PTPRM: variants seen among roughly 807,000 people sequenced by gnomAD.
The protein encoded by PTPRM is protein tyrosine phosphatase receptor type M, also known as receptor-type tyrosine-protein phosphatase mu.
In PTPRM, 47 loss-of-function variants were observed where a neutral mutation model predicts 186.7. That is an observed-to-expected ratio of 0.25 (90% CI 0.20 to 0.32). The LOEUF is 0.32. Among genes scored for constraint, PTPRM ranks in the 10% least tolerant of loss-of-function variants. PTPRM has a pLI of 1.00. For synonymous variants in PTPRM, 668 were observed against 674.9 expected, an observed-to-expected ratio of 0.99 and a Z score of 0.16; for missense variants, 1,494 against 1,865.0, an observed-to-expected ratio of 0.80 and a Z score of 3.66.
intron 32 of PTPRM, among the ~76,000 whole-genome samples, chr18:8,405,565 C>T (rs1336367850): frequency 2.0e-5 from 3 of 152,198 alleles, no homozygotes; most frequent in African/African-American, 7.2e-5. Flanking sequence ...CCTGTCTCAT[C>T]CTCCTCACTG....
chr18:8,045,508 A>G (rs2086986209), intron 7 of PTPRM, among the ~76,000 whole-genome samples: 1 of 152,244 alleles, frequency 6.6e-6, no homozygotes. Context: ...AGTCTGCTAC[A>G]TGCTACAACA....
chr18:8,214,767 G>A (rs1382419814), intron 14 of PTPRM, among the ~76,000 whole-genome samples: 1 of 152,118 alleles, frequency 6.6e-6, no homozygotes, highest in Non-Finnish European at 1.5e-5. Context: ...AGGTTCAAGC[G>A]ATTCTCCTAC....
chr18:8,044,632 C>T (rs2086904620), intron 7 of PTPRM, among the ~76,000 whole-genome samples: 2 of 151,766 alleles, frequency 1.3e-5, no homozygotes, highest in South Asian at 2.1e-4. Flanking sequence ...TGGTAGGTGC[C>T]TGTAATCCCA....
chr18:8,335,159 C>A (rs1255348787), intron 22 of PTPRM, among the ~76,000 whole-genome samples: 1 of 152,154 alleles, frequency 6.6e-6, no homozygotes, highest in African/African-American at 2.4e-5. Flanking sequence ...ACATTTCCTA[C>A]AAGAGGGCCC....
intron 1 of PTPRM, among the ~76,000 whole-genome samples, chr18:7,660,046 T>C (rs1185410511): frequency 6.6e-6 from 1 of 152,100 alleles, no homozygotes; most frequent in Non-Finnish European, 1.5e-5. Context: ...ATGACCATAA[T>C]GTAGCATTTT....
chr18:7,623,915 G>A (rs188020196), intron 1 of PTPRM, among the ~76,000 whole-genome samples: 26 of 152,262 alleles, frequency 1.7e-4, no homozygotes, highest in African/African-American at 6.0e-4. Flanking sequence ...TTGCTGCACT[G>A]TTCTGCCTTG....
chr18:7,584,930 T>C (rs900342351), intron 1 of PTPRM, among the ~76,000 whole-genome samples: 3 of 152,162 alleles, frequency 2.0e-5, no homozygotes, highest in Admixed American at 6.5e-5. Flanking sequence ...GGTTTGTCGT[T>C]AAGGAGCTCA....
intron 1 of PTPRM, among the ~76,000 whole-genome samples, chr18:7,744,575 A>G (rs964529667): frequency 6.6e-6 from 1 of 152,184 alleles, no homozygotes; most frequent in African/African-American, 2.4e-5. Flanking sequence ...CTCACTTATT[A>G]AAATATATTC....
At chr18:8,315,784 CTATGAGAATG>C (rs1048465472) in intron 21 of PTPRM, among the ~76,000 whole-genome samples, 1 of 152,156 alleles carries the variant, frequency 6.6e-6, no homozygotes, top group Non-Finnish European at 1.5e-5. Context: ...CTAAAAATAA[CTATGAGAATG>C]TTATCTTTAG....
At chr18:7,949,423 A>G in intron 6 of PTPRM, 68 bp downstream of exon 6, 1 of 1,370,808 alleles carries the variant, frequency 7.3e-7, no homozygotes, top group South Asian at 1.5e-5. Context: ...TTAGTTCATT[A>G]TCCCTTTAAA....
chr18:8,355,027 A>C (rs1272897283), intron 23 of PTPRM, among the ~76,000 whole-genome samples: 5 of 152,202 alleles, frequency 3.3e-5, no homozygotes, highest in Non-Finnish European at 7.3e-5. Flanking sequence ...GAAAAGGGGA[A>C]AAGTGACAGA....
intron 9 of PTPRM, among the ~76,000 whole-genome samples, chr18:8,083,717 A>G (rs545354285): frequency 1.3e-5 from 2 of 152,246 alleles, no homozygotes; most frequent in Non-Finnish European, 2.9e-5. Flanking sequence ...TGTTCAATCA[A>G]TGTTTGAATA....
intron 1 of PTPRM, among the ~76,000 whole-genome samples, chr18:7,592,482 C>T (rs956712748): frequency 6.6e-6 from 1 of 152,200 alleles, no homozygotes. Context: ...CAGGACTTGC[C>T]TGGTCCTAAG....
intron 7 of PTPRM, among the ~76,000 whole-genome samples, chr18:7,982,818 G>A (rs2082631666): frequency 6.6e-6 from 1 of 152,048 alleles, no homozygotes; most frequent in Non-Finnish European, 1.5e-5. Flanking sequence ...AGTGATATAT[G>A]TGGTTCGTTG....
intron 2 of PTPRM, among the ~76,000 whole-genome samples, chr18:7,802,224 C>G (rs1283694650): frequency 1.3e-5 from 2 of 152,174 alleles, no homozygotes; most frequent in Admixed American, 6.5e-5. Flanking sequence ...CCTTCTGACT[C>G]TGTTTGCTCA....
chr18:8,141,621 T>A (rs1600801546), intron 13 of PTPRM, among the ~76,000 whole-genome samples: 1 of 152,198 alleles, frequency 6.6e-6, no homozygotes, highest in African/African-American at 2.4e-5. Context: ...TATATTAAAA[T>A]GTCTTAAGGT....
intron 14 of PTPRM, among the ~76,000 whole-genome samples, chr18:8,227,800 A>G (rs2094232723): frequency 6.6e-6 from 1 of 152,202 alleles, no homozygotes; most frequent in South Asian, 2.1e-4. Flanking sequence ...TTAAATTTCC[A>G]GATAATGTGC....
chr18:7,980,636 G>A (rs1002195691), intron 7 of PTPRM, among the ~76,000 whole-genome samples: 4 of 152,010 alleles, frequency 2.6e-5, no homozygotes, highest in East Asian at 1.9e-4. Context: ...CTCCCACCTC[G>A]GCCTCTGAAA....
chr18:7,982,320 A>C, intron 7 of PTPRM, among the ~76,000 whole-genome samples: 1 of 119,586 alleles, frequency 8.4e-6, no homozygotes, highest in South Asian at 2.6e-4. Flanking sequence ...AACTTTTTTG[A>C]TACCTAAAAC....
Sources: gnomAD v4.1 joint callset for allele counts (sites outside exome capture counted in the v4.1 genomes callset) on GRCh38, gnomAD v4.1.1 for gene constraint, MANE v1.5 for transcripts, NCBI Gene and HGNC (gene_info 2026-07-23, HGNC 2026-07-21) for gene names.